The following DCAF16 variants were observed in gnomAD, a reference collection of about 807,000 sequenced individuals.
DCAF16 encodes DDB1- and CUL4-associated factor 16.
In DCAF16, 10 loss-of-function variants were observed where a neutral mutation model predicts 17.3. That is an observed-to-expected ratio of 0.58 (90% CI 0.36 to 0.98). The LOEUF is 0.98. Ranked by LOEUF, DCAF16 falls within the 50% of genes least tolerant of loss-of-function variation. The pLI is 0.01. For synonymous variants in DCAF16, 111 were observed against 92.8 expected (o/e 1.20, Z -1.12); for missense variants, 249 against 247.6 (o/e 1.01, Z -0.04).
rs1254314760 is a variant in DCAF16, at chr4:17,800,853, T to G, written c.*2638A>C. 1 of 147,568 alleles carries G rather than the reference T, an allele frequency of 6.8e-6. No homozygotes were observed. Among genetic ancestry groups the G allele is most frequent in the Non-Finnish European group, 1.5e-5 (1 of 67,392 alleles). The allele number at this position is 147,568 out of a possible 1,614,324, so 9.1% of individuals were successfully genotyped here. A position where few individuals can be genotyped will look rare whatever the true frequency, so the allele number is the denominator to read the frequency against. On this transcript the variant is annotated 3_prime_UTR_variant, in exon 3 of 3. Transcript: ENST00000382247. ...TTCCCTACCTCCTCCCACCTCCACT[T>G]AAACAAACAAACAAAAAAAAAGGAA... is the stretch of plus-strand genomic sequence containing the variant.
chr4:17,803,460 C>A lies in DCAF16; in HGVS notation c.*31G>T, dbSNP rs201792236. The A allele has an allele frequency of 2.5e-6, 4 of 1,589,300 alleles. No individual in the cohort carries two copies. The highest frequency in any genetic ancestry group is 1.7e-4 in the Middle Eastern group (1 of 5,970). ...TTTGTACCACTTTCTCAATTAGCAA[C>A]ATCAGAGATATCAGAGCAAATGGTA... On this transcript the variant is annotated 3_prime_UTR_variant, in exon 3 of 3. Transcript: ENST00000382247.
chr4:17,807,684 C>T (rs1272836301), intron 1 of DCAF16, among the ~76,000 whole-genome samples: 1 of 152,152 alleles, frequency 6.6e-6, no homozygotes, highest in Admixed American at 6.5e-5. Context: ...GCTGGAGAAG[C>T]GGACTGGTAA....
rs2109016829 is a variant in DCAF16, at chr4:17,802,399, T to C, written c.*1092A>G. 6.6e-6 allele frequency: 1 copy of C among 152,536 alleles called. No individual in the cohort carries two copies. Among genetic ancestry groups the C allele is most frequent in the South Asian group, 2.1e-4 (1 of 4,826 alleles). 9.4% of individuals were successfully genotyped at this position (152,536 alleles called of 1,614,324 possible). A position where few individuals can be genotyped will look rare whatever the true frequency, so the allele number is the denominator to read the frequency against. ...GCTGATTTAGTCAGAGACAGCCTGG[T>C]GGGAGACTCCGATATAGAACGTTCA... On this transcript the variant is annotated 3_prime_UTR_variant, in exon 3 of 3. Transcript: ENST00000382247.
At chr4:17,805,369 G>T (rs1478012298) in intron 1 of DCAF16, 144 bp from the exon 2 acceptor site, 1 of 151,816 alleles carries the variant, frequency 6.6e-6, no homozygotes, top group East Asian at 1.9e-4. Flanking sequence ...TCACTTAACA[G>T]AATCCAACAG....
At chr4:17,797,640 G>A (rs1719489154), downstream of DCAF16, among the ~76,000 whole-genome samples, 1 of 152,224 alleles carries the variant, frequency 6.6e-6, no homozygotes, top group Non-Finnish European at 1.5e-5. Flanking sequence ...TCTTCAGGTA[G>A]TGGCTGCACC....
chr4:17,807,989 G>C (rs1368767463), intron 1 of DCAF16, among the ~76,000 whole-genome samples: 1 of 152,164 alleles, frequency 6.6e-6, no homozygotes, highest in East Asian at 1.9e-4. Flanking sequence ...AAGAGTCAGA[G>C]AATGGCAAAG....
chr4:17,807,686 G>A (rs1476056730), intron 1 of DCAF16, among the ~76,000 whole-genome samples: 1 of 152,216 alleles, frequency 6.6e-6, no homozygotes, highest in Non-Finnish European at 1.5e-5. Flanking sequence ...TGGAGAAGCG[G>A]ACTGGTAAAA....
chr4:17,795,639 A>G, the DCAF16 span, among the ~76,000 whole-genome samples: 1 of 152,102 alleles, frequency 6.6e-6, no homozygotes, highest in Non-Finnish European at 1.5e-5. Flanking sequence ...TGTTTTTCCA[A>G]TAGCTTTTGT....
intron 1 of DCAF16, among the ~76,000 whole-genome samples, chr4:17,805,722 G>A (rs893910630): frequency 6.6e-6 from 1 of 152,246 alleles, no homozygotes; most frequent in Non-Finnish European, 1.5e-5. Context: ...AGCATTTTGG[G>A]AGGCCAAGGG....
At position 17,803,487 on chromosome 4, in the gene DCAF16, A is replaced by G; in HGVS notation, c.*4T>C. 1 of 1,611,606 alleles carries G rather than the reference A, an allele frequency of 6.2e-7. No individual in the cohort carries two copies. The highest frequency in any genetic ancestry group is 8.5e-7 in the Non-Finnish European group (1 of 1,178,152). The stretch of plus-strand genomic sequence containing the variant: ...TCAGAGATATCAGAGCAAATGGTAG[A>G]TCTTTACAGTGATGCAGTTAGGAGT... On this transcript the variant is annotated 3_prime_UTR_variant, in exon 3 of 3. Coordinates refer to ENST00000382247, the MANE Select transcript of DCAF16 (RefSeq NM_017741.4).
At chr4:17,795,109 C>G in the DCAF16 span, among the ~76,000 whole-genome samples, 1 of 152,174 alleles carries the variant, frequency 6.6e-6, no homozygotes, top group African/African-American at 2.4e-5. Context: ...CTTAAGGTAT[C>G]TTTATTTTAG....
In DCAF16 at chr4:17,801,724, T is replaced by C. The variant is rs1423924337; in HGVS notation, c.*1767A>G. ...TTACAAGGGCATATACTCTTCCTTG[T>C]TTGGCCAGAAGAAAATCTATAGCTA... On this transcript the variant is annotated 3_prime_UTR_variant, in exon 3 of 3. Transcript: ENST00000382247. The C allele has an allele frequency of 6.6e-6, 1 of 152,196 alleles. No individual in the cohort carries two copies. Among genetic ancestry groups the C allele is most frequent in the East Asian group, 1.9e-4 (1 of 5,202 alleles). 9.4% of individuals were successfully genotyped at this position (152,196 alleles called of 1,614,324 possible). A position where few individuals can be genotyped will look rare whatever the true frequency, so the allele number is the denominator to read the frequency against.
intron 1 of DCAF16, among the ~76,000 whole-genome samples, chr4:17,808,723 A>T (rs1720552080): frequency 6.6e-6 from 1 of 152,220 alleles, no homozygotes; most frequent in African/African-American, 2.4e-5. Context: ...GAGACAGCCA[A>T]ATAGAATATA....
chr4:17,807,046 A>C (rs570005374), intron 1 of DCAF16, among the ~76,000 whole-genome samples: 2 of 152,210 alleles, frequency 1.3e-5, no homozygotes, highest in Non-Finnish European at 2.9e-5. Context: ...ATGAAAAGTA[A>C]AACCATTTAA....
chr4:17,810,700 G>C lies in DCAF16; in HGVS notation c.-1003C>G, dbSNP rs1246134770. The C allele has an allele frequency of 1.1e-5, 2 of 176,766 alleles. No homozygotes were observed. Among genetic ancestry groups the C allele is most frequent in the African/African-American group, 4.7e-5 (2 of 42,578 alleles). 10.9% of individuals were successfully genotyped at this position (176,766 alleles called of 1,614,324 possible). ...GACCCAGCCAGGCCTAACGCCAGCAGCCCTTCCCCTCCGGTGGCAAGGCCA... is the reference window on the plus strand; with the variant it reads ...GACCCAGCCAGGCCTAACGCCAGCACCCCTTCCCCTCCGGTGGCAAGGCCA... On this transcript the variant is annotated 5_prime_UTR_variant, in exon 1 of 3. Transcript: ENST00000382247.
chr4:17,796,847 T>C (rs1719452515), downstream of DCAF16, among the ~76,000 whole-genome samples: 1 of 152,044 alleles, frequency 6.6e-6, no homozygotes, highest in East Asian at 1.9e-4. Flanking sequence ...ATATCTGCAA[T>C]TGGGCCTCCT....
chr4:17,804,076 A>G lies in DCAF16; in HGVS notation c.66T>C (p.Ile22=). ...CCCCAGAACTCTCATTTAGGTAACT[A>G]ATATTTTCTTCTTCCTCACTTTCTG... is the stretch of plus-strand genomic sequence containing the variant. ...SESESEEEEN[I]SYLNESSGEE... is the part of the protein sequence containing the mutation. Residue 22 remains isoleucine (I), a synonymous_variant, in exon 3 of 3, where the codon ATT becomes ATC. Transcript: ENST00000382247. The G allele has an allele frequency of 6.2e-7, 1 of 1,614,140 alleles. No individual in the cohort carries two copies.
downstream of DCAF16, among the ~76,000 whole-genome samples, chr4:17,799,898 C>G (rs1187611366): frequency 6.6e-6 from 1 of 151,912 alleles, no homozygotes; most frequent in Non-Finnish European, 1.5e-5. Context: ...GCCTGTAATC[C>G]CAGCACTTTG....
downstream of DCAF16, among the ~76,000 whole-genome samples, chr4:17,798,606 AAATAAT>A (rs1009209118): frequency 1.7e-4 from 26 of 152,094 alleles, no homozygotes; most frequent in African/African-American, 5.3e-4. Context: ...AAAAATAAAA[AAATAAT>A]AATAATAATA....
Sources: allele counts gnomAD v4.1 joint callset (sites outside exome capture counted in the v4.1 genomes callset), GRCh38; gene constraint gnomAD v4.1.1; transcripts MANE v1.5; gene names NCBI Gene and HGNC (gene_info 2026-07-23, HGNC 2026-07-21).